ARHGAP29: variants seen among roughly 807,000 people sequenced by gnomAD.
ARHGAP29 encodes rho GTPase-activating protein 29.
In ARHGAP29, 43 loss-of-function variants were observed where a neutral mutation model predicts 122.6. The ratio of observed to expected loss-of-function variants is 0.35; its 90% CI spans 0.27 to 0.45. ARHGAP29 has a LOEUF of 0.45. ARHGAP29 is among the 20% of genes least tolerant of loss of function. The pLI, the probability that ARHGAP29 is intolerant of heterozygous loss-of-function variation, is 1.00. For synonymous variants in ARHGAP29, 506 were observed against 497.1 expected (o/e 1.02, Z -0.24); for missense variants, 1,303 against 1,477.2 (o/e 0.88, Z 1.93).
intron 12 of ARHGAP29, among the ~76,000 whole-genome samples, chr1:94,199,358 G>A: frequency 6.6e-6 from 1 of 152,190 alleles, no homozygotes; most frequent in Non-Finnish European, 1.5e-5. Context: ...AAATGGCATA[G>A]TGTTTTCAAC....
intron 19 of ARHGAP29, 108 bp from the exon 20 acceptor site, chr1:94,180,065 T>C (rs1649359568): frequency 1.4e-6 from 1 of 725,798 alleles, no homozygotes; most frequent in Non-Finnish European, 2.2e-6. Context: ...ACATTAAGAA[T>C]ATTTAAAGTC....
intron 1 of ARHGAP29, among the ~76,000 whole-genome samples, chr1:94,263,554 T>C (rs1200978686): frequency 6.6e-6 from 1 of 152,180 alleles, no homozygotes; most frequent in African/African-American, 2.4e-5. Flanking sequence ...TGAATTCCAT[T>C]CCCTTCCCTA....
rs146955177 is a variant in ARHGAP29, at chr1:94,218,735, G to A, written c.340+1523C>T. ...TTAAAAATCATCTACATTTTTTTCAGTGTTTGAAATACAGAAAAAAGGAAA... is the reference window on the plus strand; with the variant it reads ...TTAAAAATCATCTACATTTTTTTCAATGTTTGAAATACAGAAAAAAGGAAA... On this transcript the variant is annotated intron_variant, in intron 3 of 22. Coordinates refer to ENST00000260526, the MANE Select transcript of ARHGAP29 (RefSeq NM_004815.4). Among the ~76,000 whole-genome samples, 239 of 152,196 alleles carry A rather than the reference G, an allele frequency of 1.6e-3. 1 individual carries two copies. The highest frequency in any genetic ancestry group is 5.4e-3 in the African/African-American group (223 of 41,532).
At chr1:94,256,470 C>T (rs534849518) in intron 1 of ARHGAP29, among the ~76,000 whole-genome samples, 28 of 137,638 alleles carry the variant, frequency 2.0e-4, no homozygotes, top group African/African-American at 5.8e-4. Context: ...TTAGAAGATA[C>T]TTTCTCTTAC....
At chr1:94,247,181 C>A (rs968381975) in intron 1 of ARHGAP29, among the ~76,000 whole-genome samples, 1 of 152,118 alleles carries the variant, frequency 6.6e-6, no homozygotes, top group Non-Finnish European at 1.5e-5. Context: ...GTAAGAAAGA[C>A]GGACTTGAGA....
chr1:94,199,250 C>T (rs1650686237), intron 12 of ARHGAP29, among the ~76,000 whole-genome samples: 1 of 151,882 alleles, frequency 6.6e-6, no homozygotes, highest in African/African-American at 2.4e-5. Flanking sequence ...AAAAAAAAGA[C>T]AGCAAGTACT....
chr1:94,212,956 T>C (rs6541340), intron 3 of ARHGAP29, among the ~76,000 whole-genome samples: 46,390 of 151,974 alleles, frequency 0.31, 7,272 homozygotes, highest in South Asian at 0.4. Flanking sequence ...CATTTTTTCT[T>C]ATGTTACTAA....
At chr1:94,189,067 G>C (rs1307729052) in intron 14 of ARHGAP29, 126 bp from the exon 15 acceptor site, 1 of 1,329,146 alleles carries the variant, frequency 7.5e-7, no homozygotes, top group Non-Finnish European at 1.0e-6. Flanking sequence ...CGTTAAGACA[G>C]GCACCATGGT....
intron 3 of ARHGAP29, among the ~76,000 whole-genome samples, chr1:94,211,452 G>A (rs1651612698): frequency 6.6e-6 from 1 of 152,102 alleles, no homozygotes. Context: ...AGAACGCGTA[G>A]ATGGAAAATA....
the ARHGAP29 span, among the ~76,000 whole-genome samples, chr1:94,284,767 C>G: frequency 3.3e-5 from 5 of 152,284 alleles, no homozygotes; most frequent in African/African-American, 1.2e-4. Flanking sequence ...TCTAGCCAAT[C>G]CTGTCTAGTA....
intron 20 of ARHGAP29, among the ~76,000 whole-genome samples, chr1:94,179,424 T>G (rs1248871433): frequency 6.6e-6 from 1 of 151,506 alleles, no homozygotes; most frequent in Non-Finnish European, 1.5e-5. Context: ...TGAAACCCCA[T>G]CTCTACTAAA....
intron 4 of ARHGAP29, 48 bp downstream of exon 4, chr1:94,209,202 TCTCA>T (rs1218316551): frequency 2.8e-5 from 36 of 1,267,894 alleles, no homozygotes; most frequent in Non-Finnish European, 4.0e-5. Flanking sequence ...TGCAACATAC[TCTCA>T]CTAAGACACC....
intron 2 of ARHGAP29, among the ~76,000 whole-genome samples, chr1:94,226,628 T>C (rs1652627819): frequency 6.6e-6 from 1 of 151,982 alleles, no homozygotes; most frequent in Non-Finnish European, 1.5e-5. Context: ...TGCTAGTTAC[T>C]ACTATAAACA....
the ARHGAP29 span, among the ~76,000 whole-genome samples, chr1:94,290,214 C>G: frequency 6.6e-6 from 1 of 151,320 alleles, no homozygotes; most frequent in Non-Finnish European, 1.5e-5. Context: ...CTATTCGGGT[C>G]TATTCATCAG....
At chr1:94,231,172 T>C (rs1269289214) in intron 2 of ARHGAP29, among the ~76,000 whole-genome samples, 1 of 152,074 alleles carries the variant, frequency 6.6e-6, no homozygotes, top group Non-Finnish European at 1.5e-5. Flanking sequence ...GAATCAAAGA[T>C]ATTTTTCTTT....
the ARHGAP29 span, among the ~76,000 whole-genome samples, chr1:94,296,990 G>A: frequency 0.26 from 39,257 of 152,118 alleles, 5,867 homozygotes; most frequent in Middle Eastern, 0.43. Flanking sequence ...TTGAGACATA[G>A]TGCAGGGAGG....
intron 2 of ARHGAP29, among the ~76,000 whole-genome samples, chr1:94,225,945 T>C (rs1409252867): frequency 6.6e-6 from 1 of 152,066 alleles, no homozygotes; most frequent in Non-Finnish European, 1.5e-5. Context: ...CCATTTATTT[T>C]CTGCTTCATT....
At chr1:94,178,963 G>T (rs1037289757) in intron 20 of ARHGAP29, among the ~76,000 whole-genome samples, 3 of 152,242 alleles carry the variant, frequency 2.0e-5, no homozygotes, top group East Asian at 1.9e-4. Context: ...ATACAACTTG[G>T]TTCTGTAAGT....
chr1:94,294,798 A>G, the ARHGAP29 span, among the ~76,000 whole-genome samples: 5 of 152,224 alleles, frequency 3.3e-5, no homozygotes, highest in Non-Finnish European at 7.3e-5. Context: ...CGTTCAAGAG[A>G]TAAGTGGAGG....
Sources: gnomAD v4.1 joint callset for allele counts (sites outside exome capture counted in the v4.1 genomes callset) on GRCh38, gnomAD v4.1.1 for gene constraint, MANE v1.5 for transcripts, NCBI Gene and HGNC (gene_info 2026-07-23, HGNC 2026-07-21) for gene names.